DSPP: variants seen among roughly 807,000 people sequenced by gnomAD.
DSPP encodes the protein deafness, autosomal dominant 39.
A neutral mutation model predicts 29.1 loss-of-function variants in DSPP; 28 were observed. The observed-to-expected ratio is 0.96, with a 90% confidence interval of 0.71 to 1.32. The LOEUF is 1.32. Ranked by LOEUF, DSPP falls within the 40% of genes most tolerant of loss-of-function variation. DSPP has a pLI of 0.00. For missense variants in DSPP, 1,281 were observed against 1,629.9 expected, an observed-to-expected ratio of 0.79 and a Z score of 3.69; for synonymous variants, 481 against 503.4, an observed-to-expected ratio of 0.96 and a Z score of 0.60.
In DSPP at chr4:87,612,306, A is replaced by G. The variant is rs1226254428; in HGVS notation, c.136-16A>G. ...ATCATTGATACTTATAATTGATTGA[A>G]TTGTTTCTTTTTCAGGATGAGTTAA... On this transcript the variant is annotated splice_polypyrimidine_tract_variant and intron_variant, in intron 3 of 4. Transcript: ENST00000651931. 4 of 1,613,776 alleles carry G rather than the reference A, an allele frequency of 2.5e-6. No individual in the cohort carries two copies. The East Asian group carries it at 8.9e-5, about 36-fold the overall frequency.
In DSPP at chr4:87,612,525, A is replaced by G. The variant is rs777880061; in HGVS notation, c.339A>G (p.Thr113=). The part of the protein sequence containing the change: ...EGNIEGWNGD[T]GKAETYGHDG... ...ATATTGAGGGCTGGAATGGGGACAC[A>G]GGAAAAGCAGAAACATATGGTCATG... The change falls in exon 4 of 5, where the codon ACA becomes ACG. Residue 113 remains threonine, a synonymous_variant. Coordinates refer to ENST00000651931, the MANE Select transcript of DSPP (RefSeq NM_014208.3). 11 of 1,614,080 alleles carry G rather than the reference A, an allele frequency of 6.8e-6. No homozygotes were observed. The Admixed American group carries it at 1.7e-4, about 24-fold the overall frequency.
chr4:87,616,676 A>T lies in DSPP; in HGVS notation c.*108A>T. The T allele has an allele frequency of 6.6e-7, 1 of 1,518,646 alleles. No individual in the cohort carries two copies. The highest frequency in any genetic ancestry group is 8.9e-7 in the Non-Finnish European group (1 of 1,122,098). The allele number at this position is 1,518,646 out of a possible 1,614,324, so 94.1% of individuals were successfully genotyped here. ...AAGGGGAGAAATAAACATAAGACGT[A>T]TGTAAACAAAAACAACTGGGGGAAT... is the stretch of plus-strand genomic sequence containing the variant. On this transcript the variant is annotated 3_prime_UTR_variant, in exon 5 of 5. Coordinates refer to ENST00000651931, the MANE Select transcript of DSPP (RefSeq NM_014208.3).
intron 1 of DSPP, 94 bp downstream of exon 1, chr4:87,608,714 G>A (rs574806588): frequency 2.0e-5 from 3 of 152,276 alleles, no homozygotes; most frequent in African/African-American, 2.4e-5. Context: ...TTTAAGAAGC[G>A]AGTACCCCTT....
intron 4 of DSPP, 104 bp downstream of exon 4, chr4:87,613,412 T>C: frequency 7.3e-7 from 1 of 1,372,868 alleles, no homozygotes; most frequent in Non-Finnish European, 1.0e-6. Flanking sequence ...CATGTATTTT[T>C]GTATCCATAT....
intron 1 of DSPP, among the ~76,000 whole-genome samples, chr4:87,609,183 A>G (rs958713911): frequency 6.6e-6 from 1 of 152,146 alleles, no homozygotes; most frequent in African/African-American, 2.4e-5. Context: ...GGCCATTTTT[A>G]TTGTAGTCTT....
At position 87,613,828 on chromosome 4, in the gene DSPP, C is replaced by T; in HGVS notation, c.1166C>T (p.Thr389Ile). The T allele has an allele frequency of 6.2e-6, 10 of 1,614,068 alleles. No individual in the cohort carries two copies. The highest frequency in any genetic ancestry group is 2.2e-5 in the South Asian group (2 of 91,066). ...CCCAGCAGTGGCAACAGAAATATTA[C>T]CAAAGAAGTTGGGAAAGGCAACGAA... ...KGPSSGNRNI[T>I]KEVGKGNEGK... The change falls in exon 5 of 5, where the codon ACC becomes ATC. Residue 389 changes from threonine to isoleucine, a missense_variant. Transcript: ENST00000651931.
Position 87,616,637 on chromosome 4 carries a change from C to G in DSPP, c.*69C>G. On this transcript the variant is annotated 3_prime_UTR_variant, in exon 5 of 5. Coordinates refer to ENST00000651931, the MANE Select transcript of DSPP (RefSeq NM_014208.3). ...TAATGGGATAGGAAAAAAAGATTTCCAAGAAAGTAAAGAAAGGGGAGAAAT... is the reference window on the plus strand; with the variant it reads ...TAATGGGATAGGAAAAAAAGATTTCGAAGAAAGTAAAGAAAGGGGAGAAAT... The G allele has an allele frequency of 1.3e-6, 2 of 1,543,448 alleles. No homozygotes were observed. The highest frequency in any genetic ancestry group is 1.8e-6 in the Non-Finnish European group (2 of 1,141,910).
chr4:87,614,324 T>C lies in DSPP; in HGVS notation c.1662T>C (p.Ser554=), dbSNP rs756870447. ...KGKSDSSDSD[S]SDSSNSSDSS... ...AATCAGATAGCAGTGACAGTGATAG[T>C]AGTGATAGCAGCAATAGCAGTGATA... The change falls in exon 5 of 5, where the codon AGT becomes AGC. Residue 554 remains serine, a synonymous_variant. Transcript: ENST00000651931. 9 of 1,611,642 alleles carry C rather than the reference T, an allele frequency of 5.6e-6. No individual in the cohort carries two copies. The highest frequency in any genetic ancestry group is 2.7e-5 in the African/African-American group (2 of 74,736).
rs201148490 is a variant in DSPP, at chr4:87,615,036, A to G, written c.2374A>G (p.Ser792Gly). The change falls in exon 5 of 5, where the codon AGT (serine) becomes GGT (glycine). Residue 792 changes from serine to glycine, a missense_variant. Ser to Gly is a moderately conservative substitution (Grantham distance 56, BLOSUM62 0). Transcript: ENST00000651931. ...TGATAGCAACGACAGCAGCAATAGC[A>G]GTGACAGCAGTGATAGCAGCAACAG... Reference protein sequence around the residue: ...SSDSNDSSNSSDSSDSSNSSD... With the variant: ...SSDSNDSSNSGDSSDSSNSSD... The G allele has an allele frequency of 5.9e-4, 908 of 1,551,228 alleles. 8 individuals carry two copies. The African/African-American group carries it at 0.011, about 19-fold the overall frequency.
intron 4 of DSPP, 52 bp downstream of exon 4, chr4:87,613,360 C>T: frequency 1.3e-6 from 2 of 1,586,520 alleles, no homozygotes; most frequent in Non-Finnish European, 8.6e-7. Flanking sequence ...TCTTCCCCTC[C>T]ATCTATTGAT....
chr4:87,611,985 T>C, intron 2 of DSPP, 120 bp from the exon 3 acceptor site: 1 of 1,140,424 alleles, frequency 8.8e-7, no homozygotes, highest in Non-Finnish European at 1.3e-6. Flanking sequence ...GTGTTAAACC[T>C]TTCTTCTTCA....
At chr4:87,609,932 T>G (rs1727702947) in intron 1 of DSPP, among the ~76,000 whole-genome samples, 1 of 152,236 alleles carries the variant, frequency 6.6e-6, no homozygotes, top group African/African-American at 2.4e-5. Flanking sequence ...GGATGAAGAA[T>G]CATGATTTTA....
At position 87,613,927 on chromosome 4, in the gene DSPP, A is replaced by G; in HGVS notation, c.1265A>G (p.Asn422Ser). 2 of 1,614,242 alleles carry G rather than the reference A, an allele frequency of 1.2e-6. No homozygotes were observed. Among genetic ancestry groups the G allele is most frequent in the Non-Finnish European group, 1.7e-6 (2 of 1,180,044 alleles). The change falls in exon 5 of 5, where the codon AAC becomes AGC. Residue 422 changes from asparagine to serine, a missense_variant. By Grantham distance (46) the Asn-to-Ser change is conservative. This residue lies in a region of DSPP where 631 missense variants were observed against 643.2 expected (regional missense o/e 0.98). Coordinates refer to ENST00000651931, the MANE Select transcript of DSPP (RefSeq NM_014208.3). ...GNVKTQGEVVNIEGPGQKSEP... is the reference protein window; with the variant it reads ...GNVKTQGEVVSIEGPGQKSEP... ...GTCAAGACACAAGGAGAGGTTGTCA[A>G]CATAGAAGGACCTGGCCAAAAATCA... is the stretch of plus-strand genomic sequence containing the variant.
Position 87,612,121 on chromosome 4 carries a change from C to G in DSPP, c.68C>G (p.Pro23Arg). The change falls in exon 3 of 5, where the codon CCA becomes CGA. Residue 23 changes from proline to arginine, a missense_variant. This residue lies in a region of DSPP where 631 missense variants were observed against 643.2 expected (regional missense o/e 0.98). Transcript: ENST00000651931. ...AWAIPVPQSK[P>R]LERHVEKSMN... ...ACTTGGCAGGTTCCTCAAAGCAAAC[C>G]ACTGGAGAGACATGTCGAAAAATCC... 1 of 1,613,768 alleles carries G rather than the reference C, an allele frequency of 6.2e-7. No individual in the cohort carries two copies. The highest frequency in any genetic ancestry group is 8.5e-7 in the Non-Finnish European group (1 of 1,179,832).
rs1482652370 is a variant in DSPP, at chr4:87,610,976, T to C, written c.51+17T>C. On this transcript the variant is annotated intron_variant, in intron 2 of 4. Coordinates refer to ENST00000651931, the MANE Select transcript of DSPP (RefSeq NM_014208.3). Reference sequence around the variant, plus strand: ...GCCATTCCAGTAAGTATGCCTTTCTTAGAAAACCTCTTCACTTTGTTATCT... The same window carrying C: ...GCCATTCCAGTAAGTATGCCTTTCTCAGAAAACCTCTTCACTTTGTTATCT... 1 of 1,611,562 alleles carries C rather than the reference T, an allele frequency of 6.2e-7. No individual in the cohort carries two copies. Among genetic ancestry groups the C allele is most frequent in the South Asian group, 1.1e-5 (1 of 91,012 alleles).
In DSPP at chr4:87,613,172, C is replaced by A. The variant is rs376443462; in HGVS notation, c.986C>A (p.Ser329Tyr). 3.1e-6 allele frequency: 5 copies of A among 1,613,968 alleles called. No homozygotes were observed. The African/African-American group carries it at 5.3e-5, about 17-fold the overall frequency. ...GDKTSKSEEN[S>Y]AGIPEDNGSQ... ...AAGACCTCCAAGAGTGAGGAGAATT[C>A]TGCTGGTATTCCAGAAGACAATGGC... Residue 329 changes from serine (S) to tyrosine (Y), a missense_variant, in exon 4 of 5, where the codon TCT (serine) becomes TAT (tyrosine). By Grantham distance (144) the Ser-to-Tyr change is moderately radical. This residue lies in a region of DSPP where 631 missense variants were observed against 643.2 expected (regional missense o/e 0.98). Transcript: ENST00000651931.
rs375736274 is a variant in DSPP, at chr4:87,612,397, A to T, written c.211A>T (p.Asn71Tyr). ...VHEGDRGRQE[N>Y]TQDGHKGEGN... ...TGAAGGTGATAGAGGAAGGCAAGAG[A>T]ATACCCAAGATGGTCACAAGGGAGA... Residue 71 changes from asparagine (N) to tyrosine (Y), a missense_variant, in exon 4 of 5, where the codon AAT becomes TAT. Coordinates refer to ENST00000651931, the MANE Select transcript of DSPP (RefSeq NM_014208.3). 28 of 1,614,016 alleles carry T rather than the reference A, an allele frequency of 1.7e-5. No homozygotes were observed. Among genetic ancestry groups the T allele is most frequent in the Non-Finnish European group, 2.5e-6 (3 of 1,180,004 alleles).
chr4:87,610,866 T>A lies in DSPP; in HGVS notation c.-28-15T>A, dbSNP rs1285260413. 1 of 1,537,596 alleles carries A rather than the reference T, an allele frequency of 6.5e-7. No homozygotes were observed. Among genetic ancestry groups the A allele is most frequent in the Non-Finnish European group, 9.0e-7 (1 of 1,110,604 alleles). ...TACTTTATAAGTAATTTTGTGCTGTTCCTTTTTTATACAGCCATTGATTAT... is the reference window on the plus strand; with the variant it reads ...TACTTTATAAGTAATTTTGTGCTGTACCTTTTTTATACAGCCATTGATTAT... On this transcript the variant is annotated splice_polypyrimidine_tract_variant and intron_variant, in intron 1 of 4. Coordinates refer to ENST00000651931, the MANE Select transcript of DSPP (RefSeq NM_014208.3).
chr4:87,613,037 A>G lies in DSPP; in HGVS notation c.851A>G (p.Asp284Gly), dbSNP rs756809329. ...SNNSKGQEGQ[D>G]HGKEDDHDSS... ...AACAGCAAGGGCCAGGAGGGCCAGG[A>G]CCATGGGAAAGAAGATGATCATGAT... Residue 284 changes from aspartate to glycine, a missense_variant, in exon 4 of 5, where the codon GAC (aspartate) becomes GGC (glycine). Transcript: ENST00000651931. 4.6e-5 allele frequency: 74 copies of G among 1,614,018 alleles called. 1 individual carries two copies. In the Middle Eastern group the frequency reaches 6.6e-4, roughly 14 times the overall value.
Sources: allele counts gnomAD v4.1 joint callset (sites outside exome capture counted in the v4.1 genomes callset), GRCh38; gene constraint gnomAD v4.1.1; regional missense constraint gnomAD v4.1.1; transcripts MANE v1.5; gene names NCBI Gene and HGNC (gene_info 2026-07-23, HGNC 2026-07-21).